The following NTRK3 variants were observed in gnomAD, a reference collection of about 807,000 sequenced individuals.
NTRK3 encodes neurotrophic receptor tyrosine kinase 3, also known as NT-3 growth factor receptor.
In NTRK3, 24 loss-of-function variants were observed where a neutral mutation model predicts 91.7. That is an observed-to-expected ratio of 0.26 (90% CI 0.19 to 0.37). NTRK3 has a LOEUF of 0.37. NTRK3 is among the 10% of genes least tolerant of loss of function. The probability of loss-of-function intolerance (pLI) is 1.00; values close to 1 mark genes in which losing one functional copy is unlikely to be tolerated. For missense variants in NTRK3, 880 were observed against 1,068.9 expected (o/e 0.82, Z 2.46); for synonymous variants, 483 against 404.0 (o/e 1.20, Z -2.34).
chr15:88,199,937 G>A (rs1457061144), intron 3 of NTRK3, among the ~76,000 whole-genome samples: 1 of 152,208 alleles, frequency 6.6e-6, no homozygotes, highest in Non-Finnish European at 1.5e-5. Flanking sequence ...ACTGAGTAAA[G>A]AGAAGGAAAA....
At chr15:88,036,413 A>C (rs1191766635) in intron 13 of NTRK3, among the ~76,000 whole-genome samples, 1 of 144,802 alleles carries the variant, frequency 6.9e-6, no homozygotes, top group Admixed American at 6.9e-5. Flanking sequence ...TAACCTGGAA[A>C]TCTACACCTA....
At position 87,933,329 on chromosome 15, in the gene NTRK3, T is replaced by G. The variant is rs986219965; in HGVS notation, c.1717-145A>C. 3 of 798,656 alleles carry G rather than the reference T, an allele frequency of 3.8e-6. No homozygotes were observed. The African/African-American group carries it at 5.2e-5, about 14-fold the overall frequency. 49.5% of individuals were successfully genotyped at this position (798,656 alleles called of 1,614,324 possible). ...GGAATTTAAAGACAATGAAGCTCAA[T>G]CTCAACTATAAGGCCTGACTCCTTC... On this transcript the variant is annotated intron_variant, in intron 15 of 18. Coordinates refer to ENST00000394480, the Ensembl canonical transcript of NTRK3.
intron 13 of NTRK3, among the ~76,000 whole-genome samples, chr15:88,068,653 AG>A (rs2046856686): frequency 6.6e-6 from 1 of 152,162 alleles, no homozygotes; most frequent in African/African-American, 2.4e-5. Context: ...AAAAGCAGCA[AG>A]GGGTCTTGCT....
At chr15:88,063,220 C>T (rs2046367811) in intron 13 of NTRK3, among the ~76,000 whole-genome samples, 1 of 152,220 alleles carries the variant, frequency 6.6e-6, no homozygotes, top group Admixed American at 6.5e-5. Context: ...TCCATACCTG[C>T]CAGTGATGTC....
intron 17 of NTRK3, among the ~76,000 whole-genome samples, chr15:87,891,678 A>G (rs1470968885): frequency 6.6e-6 from 1 of 152,152 alleles, no homozygotes; most frequent in African/African-American, 2.4e-5. Context: ...TTCTTTTTAT[A>G]GCTGTAGAGG....
chr15:87,935,288 T>C (rs963533676), intron 15 of NTRK3, among the ~76,000 whole-genome samples: 19 of 152,146 alleles, frequency 1.2e-4, no homozygotes, highest in African/African-American at 4.1e-4. Context: ...GGCTTGAGGA[T>C]AGGGCAAGGA....
At position 88,249,141 on chromosome 15, in the gene NTRK3, C is replaced by T. The variant is rs534491211; in HGVS notation, c.248+6765G>A. Among the ~76,000 whole-genome samples, 15 of 152,170 alleles carry T rather than the reference C, an allele frequency of 9.9e-5. No homozygotes were observed. The East Asian group carries it at 2.7e-3, about 27-fold the overall frequency. Reference sequence around the variant, plus strand: ...ATCTCCCACCACCCAGACTCTGGGACACTTATGATGGGACAAGCCAGGCAG... The same window carrying T: ...ATCTCCCACCACCCAGACTCTGGGATACTTATGATGGGACAAGCCAGGCAG... On this transcript the variant is annotated intron_variant, in intron 3 of 18. Transcript: ENST00000394480.
At chr15:87,894,811 T>G (rs1322995080) in intron 17 of NTRK3, among the ~76,000 whole-genome samples, 1 of 152,144 alleles carries the variant, frequency 6.6e-6, no homozygotes, top group Admixed American at 6.6e-5. Flanking sequence ...AGTTCCTACC[T>G]TTCCTCCTCC....
chr15:88,181,257 A>C (rs758730524), intron 5 of NTRK3, among the ~76,000 whole-genome samples: 7 of 149,662 alleles, frequency 4.7e-5, no homozygotes, highest in Admixed American at 1.3e-4. Flanking sequence ...TCCTCCAACT[A>C]GGTCCTCCTA....
chr15:88,004,285 G>T (rs903871912), intron 14 of NTRK3, among the ~76,000 whole-genome samples: 2 of 152,066 alleles, frequency 1.3e-5, no homozygotes, highest in Non-Finnish European at 2.9e-5. Context: ...GCTATTCCAG[G>T]TAATATAAAA....
At chr15:87,995,942 C>A (rs886854596) in intron 14 of NTRK3, among the ~76,000 whole-genome samples, 1 of 152,108 alleles carries the variant, frequency 6.6e-6, no homozygotes, top group South Asian at 2.1e-4. Flanking sequence ...TTTTTCCAAC[C>A]ATTTAAAAAC....
intron 14 of NTRK3, among the ~76,000 whole-genome samples, chr15:87,952,199 A>T (rs1166081060): frequency 6.9e-6 from 1 of 145,454 alleles, no homozygotes; most frequent in Non-Finnish European, 1.6e-5. Flanking sequence ...AGAAGAAAGG[A>T]AAGAAAGAAA....
At chr15:88,005,469 T>G (rs943624223) in intron 14 of NTRK3, among the ~76,000 whole-genome samples, 3 of 152,174 alleles carry the variant, frequency 2.0e-5, no homozygotes, top group Non-Finnish European at 4.4e-5. Context: ...CTGTCCGCCC[T>G]AAAACACACT....
At chr15:88,178,247 G>T (rs999461919) in intron 5 of NTRK3, among the ~76,000 whole-genome samples, 2 of 152,168 alleles carry the variant, frequency 1.3e-5, no homozygotes, top group African/African-American at 2.4e-5. Flanking sequence ...TTGAAACTCA[G>T]AATCTGGGGT....
chr15:88,212,243 G>A (rs1376643828), intron 3 of NTRK3, among the ~76,000 whole-genome samples: 2 of 152,124 alleles, frequency 1.3e-5, no homozygotes, highest in Non-Finnish European at 2.9e-5. Flanking sequence ...GGTGGCAGGC[G>A]CCTGTAGTCC....
At chr15:88,055,959 G>A (rs550513889) in intron 13 of NTRK3, among the ~76,000 whole-genome samples, 17 of 152,004 alleles carry the variant, frequency 1.1e-4, no homozygotes, top group African/African-American at 2.2e-4. Flanking sequence ...TGAGCCAACC[G>A]AAGCCACTGG....
At chr15:88,132,576 C>A (rs1451409141) in intron 10 of NTRK3, among the ~76,000 whole-genome samples, 1 of 152,182 alleles carries the variant, frequency 6.6e-6, no homozygotes, top group Non-Finnish European at 1.5e-5. Context: ...GCTTAGCTGC[C>A]TGGAAGCAAA....
chr15:87,886,248 T>G (rs2065529909), intron 17 of NTRK3, among the ~76,000 whole-genome samples: 1 of 151,972 alleles, frequency 6.6e-6, no homozygotes, highest in South Asian at 2.1e-4. Context: ...GAGGGCAGCT[T>G]GGTAGAATCT....
chr15:87,997,706 G>T, intron 14 of NTRK3, among the ~76,000 whole-genome samples: 1 of 152,142 alleles, frequency 6.6e-6, no homozygotes, highest in Non-Finnish European at 1.5e-5. Flanking sequence ...GAAAAAATAT[G>T]AAATTGAGGT....
Sources: gnomAD v4.1 joint callset for allele counts (sites outside exome capture counted in the v4.1 genomes callset) on GRCh38, gnomAD v4.1.1 for gene constraint, MANE v1.5 for transcripts, NCBI Gene and HGNC (gene_info 2026-07-23, HGNC 2026-07-21) for gene names.